KRABD4: variants seen among roughly 807,000 people sequenced by gnomAD.
The protein encoded by KRABD4 is KRAB domain containing 4, also known as KRAB domain-containing protein 4.
the KRABD4 span, chrX:46,450,547 T>A: frequency 1.0e-6 from 1 of 953,513 alleles, no homozygotes; most frequent in Non-Finnish European, 1.5e-6. Flanking sequence ...TATAGCAGAC[T>A]TGAAAATACC....
the KRABD4 span, among the ~76,000 whole-genome samples, chrX:46,461,531 G>A: frequency 5.6e-3 from 628 of 111,697 alleles, 4 homozygotes; most frequent in Non-Finnish European, 0.01. Flanking sequence ...TGCCACTGTG[G>A]CTGATTTGGG....
At chrX:46,471,054 G>T in the KRABD4 span, 4 of 1,031,163 alleles carry the variant, frequency 3.9e-6, no homozygotes, top group South Asian at 6.5e-5. Flanking sequence ...TATCCTTGCT[G>T]GTTTTCTGTC....
chrX:46,473,285 A>G, the KRABD4 span: 1 of 1,181,456 alleles, frequency 8.5e-7, no homozygotes, highest in Non-Finnish European at 1.1e-6. Context: ...GCCTTCAGCC[A>G]GAAGTCAACC....
chrX:46,463,324 G>T, the KRABD4 span: 3 of 1,196,144 alleles, frequency 2.5e-6, no homozygotes, highest in South Asian at 3.5e-5. Flanking sequence ...TCAGGCCGGG[G>T]AAAGGAGACC....
the KRABD4 span, among the ~76,000 whole-genome samples, chrX:46,461,137 G>GT: frequency 4.3e-4 from 47 of 109,659 alleles, no homozygotes; most frequent in East Asian, 7.5e-3. Context: ...CTCTGGATTG[G>GT]TAAACAAACT....
At chrX:46,463,165 A>G in the KRABD4 span, 1 of 1,191,282 alleles carries the variant, frequency 8.4e-7, no homozygotes, top group East Asian at 3.0e-5. Flanking sequence ...CTCAGCATTA[A>G]TAACGAAGTC....
At chrX:46,459,238 T>TG in the KRABD4 span, among the ~76,000 whole-genome samples, 21 of 103,910 alleles carry the variant, frequency 2.0e-4, 1 homozygote, top group African/African-American at 7.5e-4. Flanking sequence ...TGCTTGAACC[T>TG]GGGGGGCAGA....
chrX:46,447,712 T>TA, the KRABD4 span, among the ~76,000 whole-genome samples: 3 of 112,289 alleles, frequency 2.7e-5, no homozygotes, highest in African/African-American at 9.7e-5. Context: ...TGTGAGGTGT[T>TA]ACGATGATTA....
chrX:46,462,223 AAGGCC>A, the KRABD4 span, among the ~76,000 whole-genome samples: 2 of 112,355 alleles, frequency 1.8e-5, no homozygotes, highest in Non-Finnish European at 3.8e-5. Context: ...TTATATGAGA[AAGGCC>A]AGGCCGGGCG....
the KRABD4 span, chrX:46,448,159 G>A: frequency 8.9e-5 from 10 of 111,987 alleles, no homozygotes; most frequent in African/African-American, 3.3e-4. Context: ...AGGGAGCATA[G>A]GTGTTGCTAA....
the KRABD4 span, chrX:46,473,540 C>A: frequency 1.6e-6 from 1 of 616,856 alleles, no homozygotes; most frequent in Non-Finnish European, 2.4e-6. Flanking sequence ...AGTGTTAAAT[C>A]AACTCTCATT....
At chrX:46,459,311 CA>C in the KRABD4 span, among the ~76,000 whole-genome samples, 68 of 44,201 alleles carry the variant, frequency 1.5e-3, no homozygotes, top group South Asian at 0.01. Context: ...GAGACTGTCT[CA>C]AAAAAAAAAA....
the KRABD4 span, chrX:46,473,177 C>T: frequency 1.9e-5 from 23 of 1,180,720 alleles, no homozygotes; most frequent in African/African-American, 3.8e-4. Context: ...TACAAATGTA[C>T]TGAATGTGGA....
At chrX:46,463,351 G>C in the KRABD4 span, 1 of 1,120,705 alleles carries the variant, frequency 8.9e-7, no homozygotes, top group East Asian at 3.0e-5. Context: ...GTTGGTGAGA[G>C]CTTGGCCTCT....
At chrX:46,449,604 T>C in the KRABD4 span, among the ~76,000 whole-genome samples, 63 of 112,117 alleles carry the variant, frequency 5.6e-4, no homozygotes, top group Non-Finnish European at 3.8e-4. Context: ...AAAAATGAGA[T>C]CACACTGCGC....
At chrX:46,468,123 C>T in the KRABD4 span, among the ~76,000 whole-genome samples, 1 of 111,387 alleles carries the variant, frequency 9.0e-6, no homozygotes, top group Non-Finnish European at 1.9e-5. Context: ...AGGTAAGGGT[C>T]AACATATTTT....
At chrX:46,466,268 C>T in the KRABD4 span, among the ~76,000 whole-genome samples, 2 of 111,943 alleles carry the variant, frequency 1.8e-5, no homozygotes, top group East Asian at 5.5e-4. Flanking sequence ...TTCCTACTTA[C>T]TTTCAGTTTA....
At chrX:46,460,503 G>A in the KRABD4 span, among the ~76,000 whole-genome samples, 2 of 109,315 alleles carry the variant, frequency 1.8e-5, no homozygotes, top group East Asian at 5.8e-4. Context: ...CATAGGGCAA[G>A]GGATGTGGGA....
chrX:46,472,839 C>G, the KRABD4 span: 11 of 1,210,105 alleles, frequency 9.1e-6, no homozygotes, highest in Non-Finnish European at 1.2e-5. Context: ...CAAGGAAACA[C>G]TGAAGGATGA....
Sources: gnomAD v4.1 joint callset for allele counts (sites outside exome capture counted in the v4.1 genomes callset) on GRCh38, gnomAD v4.1.1 for gene constraint, MANE v1.5 for transcripts, NCBI Gene and HGNC (gene_info 2026-07-23, HGNC 2026-07-21) for gene names.